TENM4: variants seen among roughly 807,000 people sequenced by gnomAD.
TENM4 encodes teneurin-4.
In TENM4, 82 loss-of-function variants were observed where a neutral mutation model predicts 243.3. That is an observed-to-expected ratio of 0.34 (90% CI 0.28 to 0.40). The LOEUF (loss-of-function observed/expected upper bound fraction) is 0.40, where lower values mean the gene tolerates loss of function less well. Ranked by LOEUF, TENM4 falls within the 10% of genes least tolerant of loss-of-function variation. TENM4 has a pLI of 1.00. For synonymous variants in TENM4, 1,412 were observed against 1,456.3 expected (o/e 0.97, Z 0.69); for missense variants, 3,138 against 3,673.3 (o/e 0.85, Z 3.77).
Position 78,658,005 on chromosome 11 carries a change from A to G in TENM4, c.*53T>C, listed in dbSNP as rs1185828234. ...TTTTAAAAGTACAACACAGTCAGGT[A>G]TGCGGCCACAAAAGAGTAGCTGTCT... On this transcript the variant is annotated 3_prime_UTR_variant, in exon 34 of 34. Transcript: ENST00000278550. 3 of 1,612,886 alleles carry G rather than the reference A, an allele frequency of 1.9e-6. No individual in the cohort carries two copies. Among genetic ancestry groups the G allele is most frequent in the African/African-American group, 2.7e-5 (2 of 74,922 alleles).
intron 1 of TENM4, among the ~76,000 whole-genome samples, chr11:79,324,625 T>C (rs866140787): frequency 6.6e-6 from 1 of 152,128 alleles, no homozygotes; most frequent in Non-Finnish European, 1.5e-5. Context: ...GATACGGATA[T>C]AGATATAGAT....
At chr11:78,938,233 C>G (rs1856826439) in intron 6 of TENM4, among the ~76,000 whole-genome samples, 1 of 152,236 alleles carries the variant, frequency 6.6e-6, no homozygotes, top group Non-Finnish European at 1.5e-5. Flanking sequence ...ATTCTGCCTG[C>G]TGGCACCCTG....
At chr11:78,809,016 C>T (rs1050666720) in intron 14 of TENM4, among the ~76,000 whole-genome samples, 2 of 152,182 alleles carry the variant, frequency 1.3e-5, no homozygotes, top group African/African-American at 4.8e-5. Flanking sequence ...AGTGCCTGAA[C>T]CTCAACTTTG....
chr11:78,864,940 C>T (rs1042370430), intron 9 of TENM4, among the ~76,000 whole-genome samples: 2 of 151,996 alleles, frequency 1.3e-5, no homozygotes, highest in South Asian at 2.1e-4. Flanking sequence ...GGTGCCTGAC[C>T]CGCTAGGGGG....
At chr11:79,044,347 A>G (rs1280686567) in intron 6 of TENM4, among the ~76,000 whole-genome samples, 1 of 152,228 alleles carries the variant, frequency 6.6e-6, no homozygotes, top group African/African-American at 2.4e-5. Flanking sequence ...AAAAACATCT[A>G]GCAGGCCAAA....
intron 3 of TENM4, among the ~76,000 whole-genome samples, chr11:79,158,454 C>A (rs559198700): frequency 1.3e-5 from 2 of 152,290 alleles, no homozygotes; most frequent in Admixed American, 6.5e-5. Flanking sequence ...CCTGAGAAGC[C>A]TCCAGGTCCT....
chr11:79,298,521 CAAAAAAA>C (rs61373828), intron 1 of TENM4, among the ~76,000 whole-genome samples: 4 of 17,266 alleles, frequency 2.3e-4, no homozygotes, highest in Admixed American at 7.5e-4. Context: ...GACTCCGTCT[CAAAAAAA>C]AAAAAAAAAA....
intron 12 of TENM4, among the ~76,000 whole-genome samples, chr11:78,833,610 C>T (rs1362607400): frequency 3.9e-5 from 6 of 152,174 alleles, no homozygotes; most frequent in Non-Finnish European, 8.8e-5. Flanking sequence ...TTTTCCAGGC[C>T]TGCTAAGCAT....
chr11:79,270,355 C>T (rs1433597889), intron 2 of TENM4, among the ~76,000 whole-genome samples: 1 of 152,142 alleles, frequency 6.6e-6, no homozygotes, highest in African/African-American at 2.4e-5. Flanking sequence ...GCCTCTAGTC[C>T]CACAACCTAA....
At chr11:79,125,283 T>A (rs1411163738) in intron 4 of TENM4, among the ~76,000 whole-genome samples, 2 of 152,208 alleles carry the variant, frequency 1.3e-5, no homozygotes, top group African/African-American at 2.4e-5. Flanking sequence ...TGGTTGCTCT[T>A]AAGTTCAGTA....
At chr11:79,092,854 C>T (rs1860993150) in intron 4 of TENM4, 1 of 152,202 alleles carries the variant, frequency 6.6e-6, no homozygotes, top group African/African-American at 2.4e-5. Context: ...GGAGAGCTGG[C>T]TGCTAGCCCT....
chr11:79,038,505 C>T lies in TENM4; in HGVS notation c.493+26233G>A, dbSNP rs1222369037. 2.6e-5 allele frequency among the ~76,000 whole-genome samples: 4 copies of T among 152,322 alleles called. No homozygotes were observed. In the East Asian group the frequency reaches 7.7e-4, roughly 29 times the overall value. On this transcript the variant is annotated intron_variant, in intron 6 of 33. Transcript: ENST00000278550. ...CTTCCTTGGCCACATCTTGCCTGCC[C>T]CTCTTCACTGGCCTTCTTTCTTATT...
At chr11:78,966,838 T>C (rs1307209246) in intron 6 of TENM4, among the ~76,000 whole-genome samples, 1 of 152,166 alleles carries the variant, frequency 6.6e-6, no homozygotes, top group African/African-American at 2.4e-5. Context: ...CACTGAGACT[T>C]GCTGAGACAC....
intron 16 of TENM4, among the ~76,000 whole-genome samples, chr11:78,786,439 G>A (rs1366755054): frequency 6.6e-6 from 1 of 152,232 alleles, no homozygotes; most frequent in African/African-American, 2.4e-5. Context: ...GATAATAATG[G>A]CTGCATGTAC....
At chr11:79,059,152 A>G (rs545588183) in intron 6 of TENM4, among the ~76,000 whole-genome samples, 1 of 152,278 alleles carries the variant, frequency 6.6e-6, no homozygotes, top group South Asian at 2.1e-4. Flanking sequence ...CTGCTTGACA[A>G]TTTGGGGCAG....
chr11:78,764,213 G>C (rs1165897295), intron 18 of TENM4, among the ~76,000 whole-genome samples: 2 of 152,226 alleles, frequency 1.3e-5, no homozygotes, highest in African/African-American at 4.8e-5. Context: ...TTAAAGATGG[G>C]GGCAAGGCCA....
At chr11:79,376,880 G>A (rs1031426130) in intron 1 of TENM4, among the ~76,000 whole-genome samples, 8 of 152,152 alleles carry the variant, frequency 5.3e-5, no homozygotes, top group Admixed American at 2.0e-4. Context: ...TGGTGTGGTC[G>A]GCTGAATAAT....
chr11:78,751,025 G>A (rs1479043924), intron 19 of TENM4, among the ~76,000 whole-genome samples: 12 of 152,046 alleles, frequency 7.9e-5, no homozygotes, highest in African/African-American at 1.7e-4. Context: ...GACCACAGGC[G>A]TGCACCACCA....
chr11:79,138,319 A>T (rs1862153569), intron 4 of TENM4, among the ~76,000 whole-genome samples: 1 of 113,570 alleles, frequency 8.8e-6, no homozygotes, highest in Non-Finnish European at 1.7e-5. Flanking sequence ...CTTTATATAT[A>T]TATATATATA....
Sources: allele counts gnomAD v4.1 joint callset (sites outside exome capture counted in the v4.1 genomes callset), GRCh38; gene constraint gnomAD v4.1.1; transcripts MANE v1.5; gene names NCBI Gene and HGNC (gene_info 2026-07-23, HGNC 2026-07-21).